Variants in TRAF3IP1 observed in about 807,000 individuals in gnomAD.
The protein encoded by TRAF3IP1 is intraflagellar transport 54.
A neutral mutation model predicts 89.9 loss-of-function variants in TRAF3IP1; 53 were observed. That is an observed-to-expected ratio of 0.59 (90% CI 0.47 to 0.74). The LOEUF (loss-of-function observed/expected upper bound fraction) is 0.74, where lower values mean the gene tolerates loss of function less well. Ranked by LOEUF, TRAF3IP1 falls within the 30% of genes least tolerant of loss-of-function variation. The pLI, the probability that TRAF3IP1 is intolerant of heterozygous loss-of-function variation, is 0.00. For missense variants in TRAF3IP1, 806 were observed against 866.1 expected (o/e 0.93, Z 0.87); for synonymous variants, 311 against 322.1 (o/e 0.97, Z 0.37).
At position 238,320,801 on chromosome 2, in the gene TRAF3IP1, C is replaced by T. The variant is rs1339116838; in HGVS notation, c.123+16C>T. On this transcript the variant is annotated intron_variant, in intron 1 of 16. Transcript: ENST00000373327. ...CATCACGGAGGTGGGCGCCGGGGAC[C>T]GGGCCCGGCCAGGTGCGGGTCGGGA... The T allele has an allele frequency of 5.0e-6, 7 of 1,393,150 alleles. No individual in the cohort carries two copies. The highest frequency in any genetic ancestry group is 5.7e-6 in the Non-Finnish European group (6 of 1,056,504). The allele number at this position is 1,393,150 out of a possible 1,614,324, so 86.3% of individuals were successfully genotyped here. A position where few individuals can be genotyped will look rare whatever the true frequency, so the allele number is the denominator to read the frequency against.
rs188850740 is a variant in TRAF3IP1 at position 238,363,540 on chromosome 2, T to G, written c.1689+7460T>G. Reference sequence around the variant, plus strand: ...ATTGATTATTTGGAATTGATGAGACTTTTAATGTGGCCTATTTGGTGGTCA... The same window carrying G: ...ATTGATTATTTGGAATTGATGAGACGTTTAATGTGGCCTATTTGGTGGTCA... On this transcript the variant is annotated intron_variant, in intron 15 of 16. Transcript: ENST00000373327. 3.3e-5 allele frequency among the ~76,000 whole-genome samples: 5 copies of G among 152,336 alleles called. No homozygotes were observed. In the East Asian group the frequency reaches 9.6e-4, roughly 29 times the overall value.
At chr2:238,380,939 T>C (rs754703659) in intron 15 of TRAF3IP1, among the ~76,000 whole-genome samples, 5 of 152,162 alleles carry the variant, frequency 3.3e-5, no homozygotes, top group East Asian at 1.9e-4. Context: ...ATATCTTCCA[T>C]AGAGACTTAA....
Position 238,351,262 on chromosome 2 carries a change from CAGG to C in TRAF3IP1, c.1452-1562_1452-1560del, listed in dbSNP as rs1347869095. Among the ~76,000 whole-genome samples the C allele has an allele frequency of 2.0e-5, 3 of 152,060 alleles. No homozygotes were observed. Among genetic ancestry groups the C allele is most frequent in the Non-Finnish European group, 4.4e-5 (3 of 68,012 alleles). ...TCAATACTTGAAATCACAAGTAAGA[CAGG>C]AGCACCGTTGGTGAGAGTGGCGGGT... On this transcript the variant is annotated intron_variant, in intron 12 of 16. Coordinates refer to ENST00000373327, the MANE Select transcript of TRAF3IP1 (RefSeq NM_015650.4). This position sits in a 1 kb window ranked among gnomAD's most constrained non-coding sequence, Gnocchi z 5.2.
chr2:238,341,813 A>T (rs1334522431), intron 8 of TRAF3IP1, among the ~76,000 whole-genome samples: 2 of 152,090 alleles, frequency 1.3e-5, no homozygotes, highest in African/African-American at 4.8e-5. Context: ...GAGGGACCTG[A>T]CCAAAGCATA....
intron 15 of TRAF3IP1, among the ~76,000 whole-genome samples, chr2:238,373,349 A>T (rs539478899): frequency 6.6e-6 from 1 of 152,238 alleles, no homozygotes; most frequent in Non-Finnish European, 1.5e-5. Flanking sequence ...CTTTCTACAT[A>T]TGGCTAGCCA....
intron 10 of TRAF3IP1, among the ~76,000 whole-genome samples, 167 bp downstream of exon 10, chr2:238,347,642 T>A (rs529226626): frequency 3.7e-4 from 56 of 152,286 alleles, no homozygotes; most frequent in African/African-American, 1.1e-3. Context: ...TTATTTATTT[T>A]TTGAGATGGA....
chr2:238,356,853 A>G (rs1385965930), intron 15 of TRAF3IP1, among the ~76,000 whole-genome samples: 2 of 147,480 alleles, frequency 1.4e-5, no homozygotes, highest in Non-Finnish European at 3.0e-5. Flanking sequence ...ATCTCGGCTC[A>G]CTGCAAGCTC....
chr2:238,361,282 C>T (rs765454166), intron 15 of TRAF3IP1, among the ~76,000 whole-genome samples: 2 of 152,076 alleles, frequency 1.3e-5, no homozygotes, highest in Non-Finnish European at 2.9e-5. Context: ...AGGCTCCAAG[C>T]GATCCTTCTG....
chr2:238,384,345 T>TATGG (rs1700669699), intron 15 of TRAF3IP1, among the ~76,000 whole-genome samples: 4 of 121,064 alleles, frequency 3.3e-5, no homozygotes, highest in Non-Finnish European at 7.2e-5. Context: ...CTGATGTATG[T>TATGG]ATGTATGTAT....
At chr2:238,382,687 A>G (rs149720267) in intron 15 of TRAF3IP1, among the ~76,000 whole-genome samples, 1 of 152,152 alleles carries the variant, frequency 6.6e-6, no homozygotes, top group Non-Finnish European at 1.5e-5. Context: ...TTCCTCCCAG[A>G]CAGACCTCCT....
chr2:238,324,848 C>T (rs1432055769), intron 1 of TRAF3IP1, among the ~76,000 whole-genome samples: 5 of 151,914 alleles, frequency 3.3e-5, no homozygotes, highest in South Asian at 2.1e-4. Context: ...GTGATTTGTC[C>T]GCCTCAGCCT....
At chr2:238,361,379 ATTTATTTTTTTTCTT>A (rs1699652908) in intron 15 of TRAF3IP1, among the ~76,000 whole-genome samples, 1 of 151,986 alleles carries the variant, frequency 6.6e-6, no homozygotes, top group South Asian at 2.1e-4. Flanking sequence ...TTTATACATT[ATTTATTTTTTTTCTT>A]TTTGTTATGG....
At chr2:238,393,581 A>G (rs1447709812) in intron 15 of TRAF3IP1, among the ~76,000 whole-genome samples, 1 of 152,208 alleles carries the variant, frequency 6.6e-6, no homozygotes, top group East Asian at 1.9e-4. Context: ...CTAGTCCTAG[A>G]TCCCAAAGAC....
intron 11 of TRAF3IP1, 30 bp from the exon 12 acceptor site, chr2:238,349,295 C>G (rs1559369474): frequency 1.2e-6 from 2 of 1,608,676 alleles, no homozygotes; most frequent in South Asian, 2.2e-5. Flanking sequence ...TTTCATACTC[C>G]TTTTTTGGTT....
At chr2:238,370,335 C>T (rs995898482) in intron 15 of TRAF3IP1, among the ~76,000 whole-genome samples, 2 of 151,578 alleles carry the variant, frequency 1.3e-5, no homozygotes, top group African/African-American at 4.9e-5. Flanking sequence ...TCTGTGTATG[C>T]GTATGTGTGC....
At position 238,399,354 on chromosome 2, in the gene TRAF3IP1, G is replaced by C. The variant is rs1559403075; in HGVS notation, c.*435G>C. ...ACTGTGTACTTTTTGATAGGCACTT[G>C]ATAAGTAGAATGAGGCCTGAAAATG... On this transcript the variant is annotated 3_prime_UTR_variant, in exon 17 of 17. Coordinates refer to ENST00000373327, the MANE Select transcript of TRAF3IP1 (RefSeq NM_015650.4). 2 of 153,402 alleles carry C rather than the reference G, an allele frequency of 1.3e-5. No homozygotes were observed. Among genetic ancestry groups the C allele is most frequent in the Non-Finnish European group, 2.9e-5 (2 of 68,844 alleles). 9.5% of individuals were successfully genotyped at this position (153,402 alleles called of 1,614,324 possible). A position where few individuals can be genotyped will look rare whatever the true frequency, so the allele number is the denominator to read the frequency against.
At chr2:238,331,299 TAAAAAA>T (rs61126298) in intron 5 of TRAF3IP1, among the ~76,000 whole-genome samples, 3 of 120,038 alleles carry the variant, frequency 2.5e-5, no homozygotes, top group African/African-American at 9.4e-5. Context: ...CCATCTCTAC[TAAAAAA>T]AAAAAAAAAA....
At chr2:238,347,343 G>A in intron 9 of TRAF3IP1, 112 bp from the exon 10 acceptor site, 3 of 1,097,964 alleles carry the variant, frequency 2.7e-6, no homozygotes, top group Non-Finnish European at 4.1e-6. Flanking sequence ...TTTTTTCTTA[G>A]CAGACATCCA....
intron 15 of TRAF3IP1, among the ~76,000 whole-genome samples, chr2:238,361,840 C>G (rs901114586): frequency 6.6e-6 from 1 of 152,208 alleles, no homozygotes; most frequent in Non-Finnish European, 1.5e-5. Context: ...CTTGACTTGA[C>G]TTTTACCACT....
Sources: gnomAD v4.1 joint callset for allele counts (sites outside exome capture counted in the v4.1 genomes callset) on GRCh38, gnomAD v4.1.1 for gene constraint, Gnocchi (gnomAD v3.1) non-coding constraint, MANE v1.5 for transcripts, NCBI Gene and HGNC (gene_info 2026-07-23, HGNC 2026-07-21) for gene names.